Variants in NTN1 observed in about 807,000 individuals in gnomAD.
NTN1 encodes netrin 1.
NTN1 carries 11 observed loss-of-function variants against 54.2 expected under a neutral mutation model. The observed-to-expected ratio is 0.20, with a 90% CI of 0.13 to 0.34. The LOEUF is 0.34. Ranked by LOEUF, NTN1 falls within the 10% of genes least tolerant of loss-of-function variation. The probability of loss-of-function intolerance (pLI) is 1.00; values close to 1 mark genes in which losing one functional copy is unlikely to be tolerated. For missense variants in NTN1, 740 were observed against 893.1 expected, an observed-to-expected ratio of 0.83 and a Z score of 2.18; for synonymous variants, 371 against 382.0, an observed-to-expected ratio of 0.97 and a Z score of 0.33.
At chr17:9,196,237 A>C (rs2142332647) in intron 5 of NTN1, among the ~76,000 whole-genome samples, 1 of 152,248 alleles carries the variant, frequency 6.6e-6, no homozygotes, top group East Asian at 1.9e-4. Flanking sequence ...TGTGTTGAAG[A>C]AATTGTGGGG....
chr17:9,046,999 T>C (rs914845941), intron 2 of NTN1, among the ~76,000 whole-genome samples: 6 of 152,200 alleles, frequency 3.9e-5, no homozygotes, highest in African/African-American at 1.4e-4. Context: ...AAGTTATGTT[T>C]ACGCTATACT....
chr17:9,024,790 G>T (rs1303522209), intron 2 of NTN1, among the ~76,000 whole-genome samples: 1 of 152,180 alleles, frequency 6.6e-6, no homozygotes, highest in Admixed American at 6.5e-5. Context: ...ATAATTGTTT[G>T]TCCCCTTTCT....
intron 2 of NTN1, among the ~76,000 whole-genome samples, chr17:9,096,823 A>G (rs932573233): frequency 9.9e-5 from 15 of 152,212 alleles, no homozygotes; most frequent in Admixed American, 6.5e-4. Flanking sequence ...TCTGACTTAA[A>G]TGGGAATGTC....
rs2091988993 is a variant in NTN1, at chr17:9,059,335, A to G, written c.1018+35944A>G. 2.6e-5 allele frequency among the ~76,000 whole-genome samples: 4 copies of G among 152,214 alleles called. No individual in the cohort carries two copies. In the South Asian group the frequency reaches 6.2e-4, roughly 24 times the overall value. On this transcript the variant is annotated intron_variant, in intron 2 of 6. Coordinates refer to ENST00000173229, the MANE Select transcript of NTN1 (RefSeq NM_004822.3). The stretch of plus-strand genomic sequence containing the variant: ...CACTGAAAACAGGTATTTAGAACTG[A>G]AAACAGGTATTCAGACAACTACTTG...
chr17:9,088,915 C>T (rs4791775), intron 2 of NTN1, among the ~76,000 whole-genome samples: 21,500 of 152,116 alleles, frequency 0.14, 1,799 homozygotes, highest in East Asian at 0.36. Context: ...CCCTGCAAAG[C>T]GTGATATGTC....
At chr17:9,069,617 A>C (rs974572706) in intron 2 of NTN1, among the ~76,000 whole-genome samples, 1 of 152,114 alleles carries the variant, frequency 6.6e-6, no homozygotes. Flanking sequence ...TTCACCTTGG[A>C]GGCCTCGCCC....
At chr17:9,202,499 A>G (rs186111745) in intron 5 of NTN1, among the ~76,000 whole-genome samples, 116 of 152,290 alleles carry the variant, frequency 7.6e-4, no homozygotes, top group Admixed American at 1.2e-3. Flanking sequence ...ACTTTCCTAA[A>G]GCAAACCCGA....
intron 2 of NTN1, among the ~76,000 whole-genome samples, chr17:9,058,312 A>G (rs940408030): frequency 3.3e-5 from 5 of 152,238 alleles, no homozygotes; most frequent in African/African-American, 7.2e-5. Flanking sequence ...TTGAATAACA[A>G]TCTTTCTGAA....
chr17:9,210,026 C>T (rs890161231), intron 5 of NTN1, among the ~76,000 whole-genome samples: 6 of 152,054 alleles, frequency 3.9e-5, no homozygotes, highest in Non-Finnish European at 8.8e-5. Flanking sequence ...AGGCCAGGCC[C>T]CTGGGGTGGC....
chr17:9,232,657 G>A (rs576291080), intron 6 of NTN1, among the ~76,000 whole-genome samples: 20 of 152,278 alleles, frequency 1.3e-4, no homozygotes, highest in African/African-American at 4.8e-4. Context: ...TGAGGGCAGC[G>A]GTGGCAGTTG....
intron 2 of NTN1, among the ~76,000 whole-genome samples, chr17:9,101,157 T>C (rs75901806): frequency 0.011 from 1,655 of 152,352 alleles, 32 homozygotes; most frequent in African/African-American, 0.037. Context: ...CTGTAAACTT[T>C]CTGAGGGCTA....
chr17:9,013,955 T>G, the NTN1 span, among the ~76,000 whole-genome samples: 1 of 152,220 alleles, frequency 6.6e-6, no homozygotes, highest in African/African-American at 2.4e-5. Context: ...TTACATCTGC[T>G]GGTTCCCCCA....
In NTN1 at chr17:9,243,950, C is replaced by G. The variant is rs552849304; in HGVS notation, c.*3982C>G. 6.6e-6 allele frequency: 1 copy of G among 151,766 alleles called. No homozygotes were observed. The highest frequency in any genetic ancestry group is 1.5e-5 in the Non-Finnish European group (1 of 67,988). The allele number at this position is 151,766 out of a possible 1,614,324, so 9.4% of individuals were successfully genotyped here. ...CCAGATGGAACTTGTAATGTGGGCC[C>G]CACATGATAGAACTAAATTCAGATA... On this transcript the variant is annotated 3_prime_UTR_variant, in exon 7 of 7. Transcript: ENST00000173229.
chr17:9,085,345 A>G (rs1248762982), intron 2 of NTN1, among the ~76,000 whole-genome samples: 1 of 152,176 alleles, frequency 6.6e-6, no homozygotes, highest in Non-Finnish European at 1.5e-5. Flanking sequence ...GGAAGAGGGA[A>G]AGAGGAAGGG....
At chr17:9,220,368 T>TCA (rs1905305080) in intron 5 of NTN1, among the ~76,000 whole-genome samples, 1 of 152,240 alleles carries the variant, frequency 6.6e-6, no homozygotes, top group South Asian at 2.1e-4. Context: ...CGTGAAGCTG[T>TCA]CACACACAGA....
At chr17:9,217,289 C>G (rs1246636887) in intron 5 of NTN1, among the ~76,000 whole-genome samples, 2 of 152,160 alleles carry the variant, frequency 1.3e-5, no homozygotes, top group African/African-American at 4.8e-5. Flanking sequence ...CTTAGTCCAC[C>G]ACCATCTGCC....
intron 2 of NTN1, among the ~76,000 whole-genome samples, chr17:9,081,400 TCAAC>T (rs1425227598): frequency 6.6e-6 from 1 of 152,194 alleles, no homozygotes; most frequent in African/African-American, 2.4e-5. Context: ...CTTTGACGTC[TCAAC>T]CAGTCACCTA....
intron 2 of NTN1, among the ~76,000 whole-genome samples, chr17:9,041,474 T>G (rs1008887502): frequency 2.0e-5 from 3 of 152,254 alleles, no homozygotes; most frequent in Non-Finnish European, 4.4e-5. Context: ...CGTCTTTCAA[T>G]TAGCATAATG....
intron 2 of NTN1, among the ~76,000 whole-genome samples, chr17:9,094,336 T>C (rs2092123068): frequency 6.6e-6 from 1 of 152,158 alleles, no homozygotes; most frequent in African/African-American, 2.4e-5. Flanking sequence ...TTCTTGGAGC[T>C]AAACCTCTGT....
Sources: allele counts gnomAD v4.1 joint callset (sites outside exome capture counted in the v4.1 genomes callset), GRCh38; gene constraint gnomAD v4.1.1; transcripts MANE v1.5; gene names NCBI Gene and HGNC (gene_info 2026-07-23, HGNC 2026-07-21).